The following MET variants were observed in gnomAD, a reference collection of about 807,000 sequenced individuals.
MET encodes hepatocyte growth factor receptor.
Under a neutral mutation model 133.1 loss-of-function variants are expected in MET, and 48 were observed. That is an observed-to-expected ratio of 0.36 (90% CI 0.29 to 0.46). The LOEUF is 0.46. Among genes scored for constraint, MET ranks in the 20% least tolerant of loss-of-function variants. The pLI, the probability that MET is intolerant of heterozygous loss-of-function variation, is 1.00. For synonymous variants in MET, 628 were observed against 616.5 expected (o/e 1.02, Z -0.28); for missense variants, 1,442 against 1,695.9 (o/e 0.85, Z 2.63).
intron 5 of MET, among the ~76,000 whole-genome samples, chr7:116,741,376 T>C (rs770226367): frequency 4.6e-5 from 7 of 152,142 alleles, no homozygotes; most frequent in Non-Finnish European, 7.4e-5. Context: ...TTTCTCACAC[T>C]GGGGCCTGTT....
chr7:116,785,268 G>T (rs1335128622), intron 19 of MET, among the ~76,000 whole-genome samples: 1 of 152,154 alleles, frequency 6.6e-6, no homozygotes, highest in Non-Finnish European at 1.5e-5. Context: ...ACCTTTCTGG[G>T]GTCTAGAGGA....
intron 1 of MET, among the ~76,000 whole-genome samples, chr7:116,686,836 C>T (rs1796577861): frequency 6.6e-6 from 1 of 152,184 alleles, no homozygotes; most frequent in East Asian, 1.9e-4. Flanking sequence ...TCCCCAGGTG[C>T]CCGTGTGTGA....
At chr7:116,725,465 C>CATATAT (rs71314626) in intron 2 of MET, among the ~76,000 whole-genome samples, 2,989 of 144,836 alleles carry the variant, frequency 0.021, 40 homozygotes, top group East Asian at 0.07. Flanking sequence ...TTATGATATA[C>CATATAT]ATATATATAT....
chr7:116,710,647 C>T (rs181634052), intron 2 of MET, among the ~76,000 whole-genome samples: 74 of 151,512 alleles, frequency 4.9e-4, no homozygotes, highest in Non-Finnish European at 8.0e-4. Context: ...TTACAGATCA[C>T]AGAAAAAAAT....
intron 1 of MET, among the ~76,000 whole-genome samples, chr7:116,696,970 C>A (rs999661433): frequency 1.3e-5 from 2 of 152,188 alleles, no homozygotes; most frequent in African/African-American, 4.8e-5. Context: ...GCTCTGTCTG[C>A]CCAGAGTTTT....
At chr7:116,711,138 A>C (rs1454025306) in intron 2 of MET, among the ~76,000 whole-genome samples, 2 of 152,248 alleles carry the variant, frequency 1.3e-5, no homozygotes, top group African/African-American at 4.8e-5. Flanking sequence ...GCTATTAGCA[A>C]AGCTTTCCTT....
intron 2 of MET, among the ~76,000 whole-genome samples, chr7:116,722,041 GT>G (rs1792511860): frequency 6.6e-6 from 1 of 150,400 alleles, no homozygotes; most frequent in South Asian, 2.1e-4. Flanking sequence ...GGGTATCCTT[GT>G]TGACTTTCTG....
In MET at chr7:116,771,983, C is replaced by T. The variant is rs867064468; in HGVS notation, c.3022C>T (p.Pro1008Ser). Residue 1008 changes from proline (P) to serine (S), a missense_variant, in exon 14 of 21, where the codon CCA (proline) becomes TCA (serine). Coordinates refer to ENST00000397752, the MANE Select transcript of MET (RefSeq NM_000245.4). Reference protein sequence around the residue: ...NESVDYRATFPEDQFPNSSQN... With the variant: ...NESVDYRATFSEDQFPNSSQN... ...ATCTGTAGACTACCGAGCTACTTTT[C>T]CAGAAGGTATATTTCAGTTTATTGT... The T allele has an allele frequency of 6.2e-7, 1 of 1,613,580 alleles. No individual in the cohort carries two copies. Among genetic ancestry groups the T allele is most frequent in the Non-Finnish European group, 8.5e-7 (1 of 1,179,744 alleles).
Position 116,699,663 on chromosome 7 carries a change from C to T in MET, c.579C>T (p.Ile193=). The T allele has an allele frequency of 6.2e-7, 1 of 1,614,046 alleles. No individual in the cohort carries two copies. The highest frequency in any genetic ancestry group is 8.5e-7 in the Non-Finnish European group (1 of 1,179,974). ...KVLSSVKDRF[I]NFFVGNTINS... is the part of the protein sequence containing the mutation. Reference sequence around the variant, plus strand: ...TTTCATCTGTAAAGGACCGGTTCATCAACTTCTTTGTAGGCAATACCATAA... The same window carrying T: ...TTTCATCTGTAAAGGACCGGTTCATTAACTTCTTTGTAGGCAATACCATAA... The change falls in exon 2 of 21, where the codon ATC becomes ATT. Residue 193 remains isoleucine, a synonymous_variant. Coordinates refer to ENST00000397752, the MANE Select transcript of MET (RefSeq NM_000245.4).
At chr7:116,723,190 C>G (rs1382752445) in intron 2 of MET, among the ~76,000 whole-genome samples, 8 of 144,654 alleles carry the variant, frequency 5.5e-5, no homozygotes, top group Admixed American at 2.1e-4. Flanking sequence ...TCTTTTTATT[C>G]TTTTTTCTCT....
intron 6 of MET, 68 bp from the exon 7 acceptor site, chr7:116,757,369 C>T (rs1794216558): frequency 7.6e-7 from 1 of 1,307,922 alleles, no homozygotes; most frequent in Admixed American, 1.8e-5. Context: ...ATGTCACTTC[C>T]TATAAAACAA....
At chr7:116,680,093 G>T (rs1047843178) in intron 1 of MET, among the ~76,000 whole-genome samples, 1 of 150,994 alleles carries the variant, frequency 6.6e-6, no homozygotes, top group Non-Finnish European at 1.5e-5. Flanking sequence ...GGGCGGGGGG[G>T]TAAAAGGAAA....
At position 116,797,304 on chromosome 7, in the gene MET, G is replaced by A. The variant is rs1795707031; in HGVS notation, c.*1180G>A. 1 of 226,154 alleles carries A rather than the reference G, an allele frequency of 4.4e-6. No homozygotes were observed. Among genetic ancestry groups the A allele is most frequent in the Non-Finnish European group, 8.8e-6 (1 of 113,912 alleles). 14.0% of individuals were successfully genotyped at this position (226,154 alleles called of 1,614,324 possible). ...TGGTTCCAATCACAGCTCATAGGTA[G>A]AGCAAAGAAAGGGTGGATGGATTGA... is the stretch of plus-strand genomic sequence containing the variant. On this transcript the variant is annotated 3_prime_UTR_variant, in exon 21 of 21. Transcript: ENST00000397752.
intron 2 of MET, among the ~76,000 whole-genome samples, chr7:116,712,781 G>A (rs926134896): frequency 6.6e-6 from 1 of 151,812 alleles, no homozygotes; most frequent in Non-Finnish European, 1.5e-5. Flanking sequence ...GAAAGAAAAA[G>A]GAAAGATTAA....
chr7:116,717,953 T>C (rs1472894791), intron 2 of MET, among the ~76,000 whole-genome samples: 1 of 152,156 alleles, frequency 6.6e-6, no homozygotes, highest in Non-Finnish European at 1.5e-5. Flanking sequence ...CAAGTACTCA[T>C]AGAAAGCTAA....
chr7:116,780,277 G>C lies in MET; in HGVS notation c.3522+1320G>C, dbSNP rs1050999999. Among the ~76,000 whole-genome samples, 9 of 152,052 alleles carry C rather than the reference G, an allele frequency of 5.9e-5. No individual in the cohort carries two copies. In the South Asian group the frequency reaches 1.7e-3, roughly 28 times the overall value. On this transcript the variant is annotated intron_variant, in intron 17 of 20. Transcript: ENST00000397752. The stretch of plus-strand genomic sequence containing the variant: ...GGCCTCAAGCTCCGTCTCGGTTCCT[G>C]CTCTCCAAGTCTCTGTGGGAGGTAA...
At chr7:116,768,012 ATATG>A (rs1036850647) in intron 11 of MET, among the ~76,000 whole-genome samples, 2 of 148,972 alleles carry the variant, frequency 1.3e-5, no homozygotes, top group Non-Finnish European at 3.0e-5. Flanking sequence ...GTGTGTATAC[ATATG>A]TGTGTGTGTG....
intron 14 of MET, among the ~76,000 whole-genome samples, chr7:116,773,938 G>T (rs888759986): frequency 6.6e-6 from 1 of 152,058 alleles, no homozygotes; most frequent in African/African-American, 2.4e-5. Context: ...ATACATTTTG[G>T]TGCTAATGAG....
At chr7:116,738,426 T>A (rs545512167) in intron 3 of MET, among the ~76,000 whole-genome samples, 61 of 152,176 alleles carry the variant, frequency 4.0e-4, no homozygotes, top group Admixed American at 9.2e-4. Context: ...GAATTTCTGT[T>A]CACTTTGCCT....
Sources: allele counts gnomAD v4.1 joint callset (sites outside exome capture counted in the v4.1 genomes callset), GRCh38; gene constraint gnomAD v4.1.1; transcripts MANE v1.5; gene names NCBI Gene and HGNC (gene_info 2026-07-23, HGNC 2026-07-21).